Variants in ARHGAP15 observed in about 807,000 individuals in gnomAD.
ARHGAP15 encodes the protein Rho GTPase activating protein 15, also known as rho GTPase-activating protein 15.
ARHGAP15 carries 51 observed loss-of-function variants against 63.7 expected under a neutral mutation model. The observed-to-expected ratio is 0.80, with a 90% CI of 0.64 to 1.01. The LOEUF is 1.01. ARHGAP15 is among the 50% of genes least tolerant of loss of function. ARHGAP15 has a pLI of 0.00. For missense variants in ARHGAP15, 560 were observed against 564.6 expected (o/e 0.99, Z 0.08); for synonymous variants, 191 against 193.8 (o/e 0.99, Z 0.12).
intron 6 of ARHGAP15, among the ~76,000 whole-genome samples, chr2:143,256,971 G>C (rs1320229201): frequency 6.6e-6 from 1 of 152,050 alleles, no homozygotes; most frequent in Non-Finnish European, 1.5e-5. Flanking sequence ...ATGCCTATTG[G>C]TTCAGATAAT....
chr2:143,249,362 A>T (rs940512811), intron 5 of ARHGAP15, among the ~76,000 whole-genome samples: 1 of 152,150 alleles, frequency 6.6e-6, no homozygotes. Flanking sequence ...TTTATGTTGA[A>T]CTTATAGAAT....
chr2:143,511,451 T>G (rs1017652312), intron 9 of ARHGAP15, among the ~76,000 whole-genome samples: 8 of 152,196 alleles, frequency 5.3e-5, no homozygotes, highest in African/African-American at 1.9e-4. Context: ...AAGAGGTGCT[T>G]TCTAAATAAT....
intron 6 of ARHGAP15, among the ~76,000 whole-genome samples, chr2:143,320,412 C>CCCCCCCCG (rs1683962035): frequency 2.0e-5 from 1 of 50,958 alleles, no homozygotes; most frequent in Non-Finnish European, 4.4e-5. Context: ...TTCCCCACCC[C>CCCCCCCCG]CCCCCCCCCC....
At chr2:143,534,373 ATAGCAG>A in intron 10 of ARHGAP15, among the ~76,000 whole-genome samples, 1 of 152,302 alleles carries the variant, frequency 6.6e-6, no homozygotes, top group African/African-American at 2.4e-5. Context: ...GCAGTTCGTT[ATAGCAG>A]TATGAGCATG....
chr2:143,765,147 G>GTGT, intron 13 of ARHGAP15, among the ~76,000 whole-genome samples: 1 of 146,790 alleles, frequency 6.8e-6, no homozygotes, highest in African/African-American at 2.5e-5. Context: ...GTGTGTGTGT[G>GTGT]GTAAAATTAA....
At chr2:143,189,345 C>G (rs1691584809) in intron 2 of ARHGAP15, among the ~76,000 whole-genome samples, 1 of 152,132 alleles carries the variant, frequency 6.6e-6, no homozygotes, top group South Asian at 2.1e-4. Flanking sequence ...TTGGTAAGCT[C>G]TTTCAGTCAG....
At chr2:143,298,517 T>C (rs1010866864) in intron 6 of ARHGAP15, among the ~76,000 whole-genome samples, 1 of 152,008 alleles carries the variant, frequency 6.6e-6, no homozygotes, top group Non-Finnish European at 1.5e-5. Flanking sequence ...AAATTCCTAA[T>C]AATTATTTTC....
rs1038048145 is a variant in ARHGAP15 at position 143,455,663 on chromosome 2, G to C, written c.703+18621G>C. 3.3e-5 allele frequency among the ~76,000 whole-genome samples: 5 copies of C among 152,152 alleles called. No homozygotes were observed. In the South Asian group the frequency reaches 8.3e-4, roughly 25 times the overall value. Reference sequence around the variant, plus strand: ...AAATACTGTTAAAATATTCCTGCTTGATTTTATTAACAAAACGAATATAGT... The same window carrying C: ...AAATACTGTTAAAATATTCCTGCTTCATTTTATTAACAAAACGAATATAGT... On this transcript the variant is annotated intron_variant, in intron 8 of 13. Coordinates refer to ENST00000295095, the MANE Select transcript of ARHGAP15 (RefSeq NM_018460.4).
rs1443519775 is a variant in ARHGAP15, at chr2:143,298,346, CTCTT to C, written c.474+47748_474+47751del. Among the ~76,000 whole-genome samples, 21 of 152,078 alleles carry C rather than the reference CTCTT, an allele frequency of 1.4e-4. 1 individual carries two copies. The highest frequency in any genetic ancestry group is 3.4e-3 in the Middle Eastern group (1 of 294). ...TAGTTAGCATCTCGTAATACTGAAA[CTCTT>C]TATTATCCTCTTAGTACACCATGGT... On this transcript the variant is annotated intron_variant, in intron 6 of 13. Coordinates refer to ENST00000295095, the MANE Select transcript of ARHGAP15 (RefSeq NM_018460.4).
At chr2:143,473,014 CAG>C (rs1465438010) in intron 8 of ARHGAP15, among the ~76,000 whole-genome samples, 1 of 152,128 alleles carries the variant, frequency 6.6e-6, no homozygotes, top group Non-Finnish European at 1.5e-5. Context: ...GGCTTGATGA[CAG>C]ACAGTGTAGG....
At position 143,703,618 on chromosome 2, in the gene ARHGAP15, T is replaced by C. The variant is rs144064376; in HGVS notation, c.1244+94T>C. 3.3e-6 allele frequency: 3 copies of C among 906,296 alleles called. No homozygotes were observed. The African/African-American group carries it at 5.1e-5, about 15-fold the overall frequency. The allele number at this position is 906,296 out of a possible 1,614,324, so 56.1% of individuals were successfully genotyped here. ...CATCTCTAAGGCAAGAGTTTCCAAA[T>C]GCGTACATCTCGTATTTTCCCTTGT... On this transcript the variant is annotated intron_variant, in intron 13 of 13. Transcript: ENST00000295095.
At chr2:143,720,202 A>G (rs988515632) in intron 13 of ARHGAP15, among the ~76,000 whole-genome samples, 3 of 152,186 alleles carry the variant, frequency 2.0e-5, no homozygotes, top group African/African-American at 7.2e-5. Context: ...CAGCTACCTG[A>G]AAAACACTAG....
intron 13 of ARHGAP15, chr2:143,706,631 T>C (rs750829770): frequency 6.6e-6 from 1 of 152,114 alleles, no homozygotes; most frequent in African/African-American, 2.4e-5. Flanking sequence ...TTTTAAAGGA[T>C]TGTGATTATA....
chr2:143,604,408 T>C (rs1697904384), intron 11 of ARHGAP15, among the ~76,000 whole-genome samples: 1 of 152,212 alleles, frequency 6.6e-6, no homozygotes, highest in South Asian at 2.1e-4. Context: ...ACAATTATTC[T>C]AAATGCAGTT....
At chr2:143,578,482 C>A (rs1482957586) in intron 11 of ARHGAP15, among the ~76,000 whole-genome samples, 1 of 152,086 alleles carries the variant, frequency 6.6e-6, no homozygotes, top group Non-Finnish European at 1.5e-5. Context: ...TACAATCCAG[C>A]AAAGGGCCAG....
chr2:143,430,006 A>G (rs1689310788), intron 6 of ARHGAP15, among the ~76,000 whole-genome samples: 1 of 152,062 alleles, frequency 6.6e-6, no homozygotes, highest in Admixed American at 6.6e-5. Flanking sequence ...GCCAATTAAA[A>G]CAAAAATGGA....
intron 12 of ARHGAP15, among the ~76,000 whole-genome samples, chr2:143,662,330 T>C (rs1261901683): frequency 3.4e-5 from 5 of 147,818 alleles, no homozygotes; most frequent in East Asian, 2.0e-4. Flanking sequence ...CGGCAGGGTA[T>C]TCCAACAGAC....
intron 2 of ARHGAP15, among the ~76,000 whole-genome samples, chr2:143,170,613 T>A (rs1690736356): frequency 6.6e-6 from 1 of 152,088 alleles, no homozygotes; most frequent in Non-Finnish European, 1.5e-5. Context: ...AGAGAATGAG[T>A]GGGAATCAGA....
At chr2:143,567,851 T>C (rs1401783828) in intron 11 of ARHGAP15, among the ~76,000 whole-genome samples, 1 of 152,160 alleles carries the variant, frequency 6.6e-6, no homozygotes, top group African/African-American at 2.4e-5. Flanking sequence ...GATGTCCTGG[T>C]CTTGCTATGG....
Sources: gnomAD v4.1 joint callset for allele counts (sites outside exome capture counted in the v4.1 genomes callset) on GRCh38, gnomAD v4.1.1 for gene constraint, MANE v1.5 for transcripts, NCBI Gene and HGNC (gene_info 2026-07-23, HGNC 2026-07-21) for gene names.